Variants in DENND1B observed in about 807,000 individuals in gnomAD.
DENND1B encodes DENN domain-containing protein 1B.
DENND1B carries 59 observed loss-of-function variants against 90.1 expected under a neutral mutation model. The observed-to-expected ratio is 0.65, with a 90% CI of 0.53 to 0.81. The LOEUF (loss-of-function observed/expected upper bound fraction) is 0.81, where lower values mean the gene tolerates loss of function less well. Among genes scored for constraint, DENND1B ranks in the 40% least tolerant of loss-of-function variants. The pLI, the probability that DENND1B is intolerant of heterozygous loss-of-function variation, is 0.00. For synonymous variants in DENND1B, 337 were observed against 324.6 expected, an observed-to-expected ratio of 1.04 and a Z score of -0.41; for missense variants, 862 against 912.6, an observed-to-expected ratio of 0.94 and a Z score of 0.71.
chr1:197,624,291 A>C (rs1023198137), intron 10 of DENND1B, among the ~76,000 whole-genome samples: 1 of 151,744 alleles, frequency 6.6e-6, no homozygotes, highest in Admixed American at 6.6e-5. Context: ...CTAATCTTTG[A>C]CAAAGAAGCA....
intron 20 of DENND1B, among the ~76,000 whole-genome samples, chr1:197,527,144 AT>A (rs1243202591): frequency 1.3e-5 from 2 of 152,168 alleles, no homozygotes; most frequent in African/African-American, 4.8e-5. Flanking sequence ...TTTATAAATT[AT>A]TGACATTAGT....
At position 197,571,768 on chromosome 1, in the gene DENND1B, CAAATA is replaced by C. The variant is rs1399521066; in HGVS notation, c.1149+11379_1149+11383del. ...ATATGTAATTGTTAGAGTGAATAAA[CAAATA>C]AAATGTGTTCAAACTAATAGACACA... On this transcript the variant is annotated intron_variant, in intron 15 of 22. Transcript: ENST00000620048. Among the ~76,000 whole-genome samples the C allele has an allele frequency of 2.0e-5, 3 of 151,920 alleles. No individual in the cohort carries two copies. The East Asian group carries it at 5.8e-4, about 29-fold the overall frequency.
intron 5 of DENND1B, among the ~76,000 whole-genome samples, chr1:197,669,140 G>A (rs963828564): frequency 6.6e-6 from 1 of 151,954 alleles, no homozygotes; most frequent in South Asian, 2.1e-4. Flanking sequence ...ATTTCCACCA[G>A]TTTATTATTT....
chr1:197,654,618 A>T (rs1653613598), intron 6 of DENND1B, among the ~76,000 whole-genome samples: 2 of 152,160 alleles, frequency 1.3e-5, no homozygotes, highest in African/African-American at 2.4e-5. Context: ...TCAAAAAAAA[A>T]AAAAGAATTT....
chr1:197,571,448 T>G (rs78784416), intron 15 of DENND1B, among the ~76,000 whole-genome samples: 2,793 of 152,296 alleles, frequency 0.018, 92 homozygotes, highest in African/African-American at 0.064. Context: ...TTTGTAACAA[T>G]TCTCTCTACC....
chr1:197,676,205 C>T (rs1435580670), intron 3 of DENND1B, among the ~76,000 whole-genome samples: 2 of 152,008 alleles, frequency 1.3e-5, no homozygotes, highest in Admixed American at 6.6e-5. Context: ...TCCTACCTAG[C>T]TCCCAGGGCT....
chr1:197,731,606 T>C (rs955275087), intron 2 of DENND1B, among the ~76,000 whole-genome samples: 12 of 152,332 alleles, frequency 7.9e-5, no homozygotes, highest in African/African-American at 2.6e-4. Context: ...TCACTCATTA[T>C]ACACCAGGGG....
intron 13 of DENND1B, among the ~76,000 whole-genome samples, chr1:197,605,016 A>G (rs2125832230): frequency 6.6e-6 from 1 of 151,248 alleles, no homozygotes; most frequent in African/African-American, 2.4e-5. Context: ...GCTCCATCTC[A>G]GAACTATTTT....
At chr1:197,568,630 T>C (rs1672893911) in intron 15 of DENND1B, among the ~76,000 whole-genome samples, 1 of 152,118 alleles carries the variant, frequency 6.6e-6, no homozygotes, top group South Asian at 2.1e-4. Context: ...CAAAATGGCA[T>C]GGTACTAGCA....
At chr1:197,674,782 A>T (rs1342018373) in intron 3 of DENND1B, among the ~76,000 whole-genome samples, 2 of 152,124 alleles carry the variant, frequency 1.3e-5, no homozygotes, top group Non-Finnish European at 2.9e-5. Context: ...ATCTAAAAAC[A>T]AGCTGTCAAA....
intron 2 of DENND1B, among the ~76,000 whole-genome samples, chr1:197,742,413 T>C (rs1480370304): frequency 6.6e-6 from 1 of 152,188 alleles, no homozygotes; most frequent in Non-Finnish European, 1.5e-5. Context: ...ATAACATCTC[T>C]GACTTTACCA....
chr1:197,523,590 C>T (rs188041097), intron 20 of DENND1B, among the ~76,000 whole-genome samples: 1 of 152,240 alleles, frequency 6.6e-6, no homozygotes, highest in East Asian at 1.9e-4. Context: ...CTGCTGATAG[C>T]TCAGAGTGAA....
chr1:197,554,521 T>C (rs900242227), intron 15 of DENND1B, among the ~76,000 whole-genome samples: 1 of 151,948 alleles, frequency 6.6e-6, no homozygotes, highest in Non-Finnish European at 1.5e-5. Context: ...TATAGGACAA[T>C]ACAATATTCC....
intron 2 of DENND1B, among the ~76,000 whole-genome samples, chr1:197,748,485 C>T (rs952949574): frequency 6.6e-6 from 1 of 152,114 alleles, no homozygotes; most frequent in Non-Finnish European, 1.5e-5. Context: ...TGCCAATCAG[C>T]TGACCTTAAA....
intron 16 of DENND1B, chr1:197,552,632 G>A (rs1235994423): frequency 2.0e-6 from 2 of 1,001,904 alleles, no homozygotes; most frequent in South Asian, 4.5e-5. Context: ...TTTTTGGATT[G>A]TATTACCAAT....
At chr1:197,750,010 C>T (rs1653259105) in intron 2 of DENND1B, among the ~76,000 whole-genome samples, 2 of 152,064 alleles carry the variant, frequency 1.3e-5, no homozygotes, top group Non-Finnish European at 2.9e-5. Context: ...CCACACCCAG[C>T]TAATTCTTTT....
chr1:197,660,054 A>G (rs1654253286), intron 5 of DENND1B, among the ~76,000 whole-genome samples: 1 of 151,992 alleles, frequency 6.6e-6, no homozygotes, highest in Non-Finnish European at 1.5e-5. Flanking sequence ...AAGCTATTAA[A>G]AAAAAACTAA....
At chr1:197,618,524 G>A (rs1164793651) in intron 10 of DENND1B, among the ~76,000 whole-genome samples, 5 of 150,824 alleles carry the variant, frequency 3.3e-5, no homozygotes, top group East Asian at 2.0e-4. Context: ...TTTTGTTTTG[G>A]TAAGCAGTTA....
chr1:197,661,397 A>C (rs1486279863), intron 5 of DENND1B, among the ~76,000 whole-genome samples: 1 of 152,024 alleles, frequency 6.6e-6, no homozygotes, highest in Non-Finnish European at 1.5e-5. Context: ...TAGTCATTTC[A>C]AACTCACATT....
Sources: gnomAD v4.1 joint callset for allele counts (sites outside exome capture counted in the v4.1 genomes callset) on GRCh38, gnomAD v4.1.1 for gene constraint, MANE v1.5 for transcripts, NCBI Gene and HGNC (gene_info 2026-07-23, HGNC 2026-07-21) for gene names.